RBFOX1: variants seen among roughly 807,000 people sequenced by gnomAD.
RBFOX1 encodes the protein RNA binding protein fox-1 homolog 1.
Under a neutral mutation model 57.7 loss-of-function variants are expected in RBFOX1, and 8 were observed. That is an observed-to-expected ratio of 0.14 (90% CI 0.08 to 0.25). The LOEUF (loss-of-function observed/expected upper bound fraction) is 0.25. Ranked by LOEUF, RBFOX1 falls within the 10% of genes least tolerant of loss-of-function variation. The pLI, the probability that RBFOX1 is intolerant of heterozygous loss-of-function variation, is 1.00. For missense variants in RBFOX1, 611 were observed against 548.5 expected, an observed-to-expected ratio of 1.11 and a Z score of -1.14; for synonymous variants, 326 against 222.4, an observed-to-expected ratio of 1.47 and a Z score of -4.15.
intron 1 of RBFOX1, among the ~76,000 whole-genome samples, chr16:5,462,819 G>A (rs1476953144): frequency 6.6e-6 from 1 of 152,132 alleles, no homozygotes; most frequent in Non-Finnish European, 1.5e-5. Context: ...ATGTAAGAGT[G>A]GCATTCGGTG....
At position 6,290,216 on chromosome 16, in the gene RBFOX1, G is replaced by A. The variant is rs55939114; in HGVS notation, c.-126-26779G>A. 3.7e-5 allele frequency among the ~76,000 whole-genome samples: 4 copies of A among 108,422 alleles called. 1 individual carries two copies. Among genetic ancestry groups the A allele is most frequent in the South Asian group, 2.7e-4 (1 of 3,762 alleles). 71.1% of individuals were successfully genotyped at this position (108,422 alleles called of 152,430 possible). A position where few individuals can be genotyped will look rare whatever the true frequency, so the allele number is the denominator to read the frequency against. On this transcript the variant is annotated intron_variant, in intron 1 of 15. Coordinates refer to ENST00000550418, the MANE Select transcript of RBFOX1 (RefSeq NM_018723.4). Reference sequence around the variant, plus strand: ...ATAATAAGCACCAAAATAGATTGTTGTGAGCATAGCAGTGATGTCCGTGTG... The same window carrying A: ...ATAATAAGCACCAAAATAGATTGTTATGAGCATAGCAGTGATGTCCGTGTG...
chr16:5,591,541 G>A (rs1044367432), intron 2 of RBFOX1, among the ~76,000 whole-genome samples: 1 of 152,154 alleles, frequency 6.6e-6, no homozygotes, highest in Non-Finnish European at 1.5e-5. Context: ...GTGAGTCACT[G>A]CGCCTGGTCC....
intron 2 of RBFOX1, among the ~76,000 whole-genome samples, chr16:6,405,291 G>C (rs1017332208): frequency 6.6e-6 from 1 of 152,184 alleles, no homozygotes; most frequent in East Asian, 1.9e-4. Flanking sequence ...TTGATTTGGA[G>C]ACTCAATTAG....
At position 6,793,545 on chromosome 16, in the gene RBFOX1, C is replaced by T. The variant is rs116629647; in HGVS notation, c.-16+138895C>T. On this transcript the variant is annotated intron_variant, in intron 3 of 15. Transcript: ENST00000550418. ...ACATTTCTAGGTCTTTGTTATTGACCTGCCTACATTTCAATTCTTGGCCCT... is the reference window on the plus strand; with the variant it reads ...ACATTTCTAGGTCTTTGTTATTGACTTGCCTACATTTCAATTCTTGGCCCT... Among the ~76,000 whole-genome samples, 1,183 of 152,182 alleles carry T rather than the reference C, an allele frequency of 7.8e-3. 21 individuals carry two copies. Among genetic ancestry groups the T allele is most frequent in the African/African-American group, 0.026 (1,082 of 41,516 alleles).
At chr16:5,961,301 C>G (rs945971794) in intron 4 of RBFOX1, among the ~76,000 whole-genome samples, 3 of 152,046 alleles carry the variant, frequency 2.0e-5, no homozygotes, top group Admixed American at 6.6e-5. Context: ...TAGGTAAGTA[C>G]TACTTATCAT....
At chr16:5,657,081 C>A (rs1231204777) in intron 3 of RBFOX1, among the ~76,000 whole-genome samples, 1 of 152,054 alleles carries the variant, frequency 6.6e-6, no homozygotes, top group East Asian at 1.9e-4. Context: ...CACATGTATC[C>A]CAGAACTTAA....
At chr16:6,438,263 C>T (rs1364679175) in intron 2 of RBFOX1, among the ~76,000 whole-genome samples, 1 of 152,148 alleles carries the variant, frequency 6.6e-6, no homozygotes, top group Non-Finnish European at 1.5e-5. Flanking sequence ...CAGGTATTAA[C>T]TAAATTGTAT....
intron 4 of RBFOX1, among the ~76,000 whole-genome samples, chr16:7,472,273 C>A (rs1345460948): frequency 2.0e-5 from 3 of 151,110 alleles, no homozygotes; most frequent in Non-Finnish European, 4.4e-5. Flanking sequence ...TATAAAATTT[C>A]AGTGTAAATA....
chr16:7,206,643 C>G (rs188264274), intron 4 of RBFOX1, among the ~76,000 whole-genome samples: 4 of 152,088 alleles, frequency 2.6e-5, no homozygotes, highest in African/African-American at 7.2e-5. Flanking sequence ...TGTCTTATCC[C>G]TCAGCTAGAT....
chr16:7,522,764 G>A lies in RBFOX1; in HGVS notation c.270+4375G>A, dbSNP rs949078216. On this transcript the variant is annotated intron_variant, in intron 5 of 15. Transcript: ENST00000550418. Reference sequence around the variant, plus strand: ...GAAAGTGATGAAGTGTTTTATAGGCGATAAGAAGGAATAGGATCAAGAGTA... The same window carrying A: ...GAAAGTGATGAAGTGTTTTATAGGCAATAAGAAGGAATAGGATCAAGAGTA... 1.1e-4 allele frequency among the ~76,000 whole-genome samples: 16 copies of A among 152,160 alleles called. 1 individual carries two copies. The East Asian group carries it at 2.7e-3, about 26-fold the overall frequency.
At chr16:6,618,036 A>G (rs8063945) in intron 2 of RBFOX1, among the ~76,000 whole-genome samples, 1,782 of 152,234 alleles carry the variant, frequency 0.012, 31 homozygotes, top group African/African-American at 0.04. Flanking sequence ...TATGCATGCA[A>G]GACTTTGCTC....
chr16:6,878,990 A>G (rs17235335), intron 3 of RBFOX1, among the ~76,000 whole-genome samples: 38,375 of 152,028 alleles, frequency 0.25, 5,081 homozygotes, highest in African/African-American at 0.32. Context: ...GTATAAGGTC[A>G]TGCAAATGCT....
intron 3 of RBFOX1, among the ~76,000 whole-genome samples, chr16:6,854,784 C>A (rs561947500): frequency 2.5e-3 from 386 of 151,730 alleles, no homozygotes; most frequent in African/African-American, 8.7e-3. Flanking sequence ...TTAGTAGAGA[C>A]GGGGTTTCAC....
intron 4 of RBFOX1, among the ~76,000 whole-genome samples, chr16:7,286,637 T>TC (rs1262313698): frequency 2.8e-5 from 4 of 145,092 alleles, no homozygotes; most frequent in Non-Finnish European, 6.0e-5. Flanking sequence ...TTTTTTTTTT[T>TC]TTTTGAGACA....
intron 4 of RBFOX1, among the ~76,000 whole-genome samples, chr16:7,410,992 T>TTGGA (rs2098419167): frequency 6.6e-6 from 1 of 152,128 alleles, no homozygotes; most frequent in Admixed American, 6.6e-5. Context: ...GTCACCCAGG[T>TTGGA]TGGAGTACAG....
chr16:6,250,849 T>C (rs1441196127), intron 1 of RBFOX1, among the ~76,000 whole-genome samples: 1 of 152,198 alleles, frequency 6.6e-6, no homozygotes, highest in Non-Finnish European at 1.5e-5. Context: ...GTGCATTGCT[T>C]GGCCAAGTGA....
chr16:6,829,953 G>C lies in RBFOX1; in HGVS notation c.-16+175303G>C, dbSNP rs535653435. ...TTTTTTGAGATGGAGTTTTGCTCTTGTTGCCCAGGCTGGAGTGCAGTGGTG... is the reference window on the plus strand; with the variant it reads ...TTTTTTGAGATGGAGTTTTGCTCTTCTTGCCCAGGCTGGAGTGCAGTGGTG... On this transcript the variant is annotated intron_variant, in intron 3 of 15. Transcript: ENST00000550418. Among the ~76,000 whole-genome samples the C allele has an allele frequency of 1.8e-3, 279 of 151,196 alleles. 2 individuals are homozygous for C. Among genetic ancestry groups the C allele is most frequent in the African/African-American group, 6.3e-3 (260 of 41,198 alleles).
chr16:6,606,853 A>T (rs1683775063), intron 2 of RBFOX1, among the ~76,000 whole-genome samples: 1 of 152,114 alleles, frequency 6.6e-6, no homozygotes, highest in African/African-American at 2.4e-5. Context: ...AATGATTTGT[A>T]TTCCTTTGGG....
rs61556932 is a variant in RBFOX1, at chr16:6,926,031, G to T, written c.-15-126026G>T. Among the ~76,000 whole-genome samples the T allele has an allele frequency of 5.3e-4, 80 of 152,126 alleles. 1 individual carries two copies. The highest frequency in any genetic ancestry group is 2.5e-3 in the South Asian group (12 of 4,830). ...GCTCAAAAACCTCAACTTGCTGGCT[G>T]GGCTTGGTGGCTCGTGTTAGTCCCA... On this transcript the variant is annotated intron_variant, in intron 3 of 15. Coordinates refer to ENST00000550418, the MANE Select transcript of RBFOX1 (RefSeq NM_018723.4).
Sources: gnomAD v4.1 joint callset for allele counts (sites outside exome capture counted in the v4.1 genomes callset) on GRCh38, gnomAD v4.1.1 for gene constraint, MANE v1.5 for transcripts, NCBI Gene and HGNC (gene_info 2026-07-23, HGNC 2026-07-21) for gene names.